TRMT9B: variants seen among roughly 807,000 people sequenced by gnomAD.
TRMT9B encodes tRNA methyltransferase 9B (putative), also known as probable tRNA methyltransferase 9B.
In TRMT9B, 16 loss-of-function variants were observed where a neutral mutation model predicts 11.5. That is an observed-to-expected ratio of 1.39 (90% CI 0.94 to 2.11). The LOEUF (loss-of-function observed/expected upper bound fraction) is 2.11, where lower values mean the gene tolerates loss of function less well. Among genes scored for constraint, TRMT9B ranks in the 30% most tolerant of loss-of-function variants. The pLI is 0.00. For missense variants in TRMT9B, 941 were observed against 553.8 expected (o/e 1.70, Z -7.02); for synonymous variants, 274 against 192.4 (o/e 1.42, Z -3.51).
chr8:13,011,224 G>A (rs987163164), intron 3 of TRMT9B: 3 of 793,914 alleles, frequency 3.8e-6, no homozygotes, highest in South Asian at 1.2e-4. Context: ...GCCCTCAAGT[G>A]ATCCGCCCAC....
At chr8:12,998,032 C>T (rs576930123) in intron 2 of TRMT9B, among the ~76,000 whole-genome samples, 7 of 152,254 alleles carry the variant, frequency 4.6e-5, no homozygotes, top group East Asian at 3.9e-4. Context: ...GTTTCCTGCC[C>T]GTCTCCTGAC....
At chr8:12,988,574 A>T (rs1291564345) in intron 1 of TRMT9B, among the ~76,000 whole-genome samples, 1 of 152,130 alleles carries the variant, frequency 6.6e-6, no homozygotes, top group African/African-American at 2.4e-5. Context: ...CCTTCTTCAC[A>T]TGGCGGCAGC....
In TRMT9B at chr8:12,985,686, T is replaced by C. The variant is rs146386561; in HGVS notation, c.-199-5148T>C. 1.2e-3 allele frequency among the ~76,000 whole-genome samples: 189 copies of C among 152,232 alleles called. 2 individuals are homozygous for C. Among genetic ancestry groups the C allele is most frequent in the African/African-American group, 4.2e-3 (176 of 41,542 alleles). On this transcript the variant is annotated intron_variant, in intron 1 of 4. Transcript: ENST00000524591. ...ACATTTCTCAAATTAAATTTAGTTA[T>C]AGTAGAGCTCTATCATACATGGCTA...
Position 12,945,875 on chromosome 8 carries a change from C to G in TRMT9B, c.-291C>G, listed in dbSNP as rs900607360. Reference sequence around the variant, plus strand: ...TGTGCAGGGCTCTGGACTAGACTTTCAGGATCTAAGGCTGAATCCTACACA... The same window carrying G: ...TGTGCAGGGCTCTGGACTAGACTTTGAGGATCTAAGGCTGAATCCTACACA... On this transcript the variant is annotated 5_prime_UTR_variant, in exon 1 of 5. Coordinates refer to ENST00000524591, the MANE Select transcript of TRMT9B (RefSeq NM_020844.3). The G allele has an allele frequency of 7.2e-5, 11 of 152,092 alleles. No homozygotes were observed. Among genetic ancestry groups the G allele is most frequent in the African/African-American group, 2.7e-4 (11 of 41,400 alleles). The allele number at this position is 152,092 out of a possible 1,614,324, so 9.4% of individuals were successfully genotyped here.
chr8:12,968,785 C>T (rs2460351), intron 1 of TRMT9B, among the ~76,000 whole-genome samples: 128,399 of 152,134 alleles, frequency 0.84, 54,336 homozygotes, highest in Middle Eastern at 0.92. Context: ...AGAAGAGGTG[C>T]AGTATGGTGG....
rs149562399 is a variant in TRMT9B at position 12,980,181 on chromosome 8, C to T, written c.-199-10653C>T. 4.1e-3 allele frequency among the ~76,000 whole-genome samples: 626 copies of T among 152,198 alleles called. 2 individuals are homozygous for T. Among genetic ancestry groups the T allele is most frequent in the Middle Eastern group, 6.8e-3 (2 of 294 alleles). On this transcript the variant is annotated intron_variant, in intron 1 of 4. Transcript: ENST00000524591. Reference sequence around the variant, plus strand: ...CAGACGTCCTAAATGAAGTTGTCAGCGGGGCCTGCTCCCTTTGAATTCTCC... The same window carrying T: ...CAGACGTCCTAAATGAAGTTGTCAGTGGGGCCTGCTCCCTTTGAATTCTCC...
intron 1 of TRMT9B, chr8:12,951,863 G>C (rs1800662083): frequency 6.6e-6 from 1 of 151,942 alleles, no homozygotes; most frequent in Admixed American, 6.6e-5. Flanking sequence ...CGGGAAGAAG[G>C]GCTAGCGAAG....
At chr8:12,995,685 G>T (rs1002440869) in intron 2 of TRMT9B, among the ~76,000 whole-genome samples, 1 of 152,062 alleles carries the variant, frequency 6.6e-6, no homozygotes, top group East Asian at 1.9e-4. Context: ...TTTGGGTTTG[G>T]TTTTTTGGGA....
chr8:12,994,851 T>C (rs1419103767), intron 2 of TRMT9B, among the ~76,000 whole-genome samples: 5 of 152,128 alleles, frequency 3.3e-5, no homozygotes, highest in Non-Finnish European at 7.4e-5. Flanking sequence ...CCGGCTAATG[T>C]TTGTATTTTT....
At chr8:12,974,348 A>C (rs1406659071) in intron 1 of TRMT9B, among the ~76,000 whole-genome samples, 1 of 152,170 alleles carries the variant, frequency 6.6e-6, no homozygotes, top group Non-Finnish European at 1.5e-5. Flanking sequence ...GCTGGAGATG[A>C]GAAGTTTCAA....
At chr8:12,950,201 G>C (rs1800484976) in intron 1 of TRMT9B, among the ~76,000 whole-genome samples, 2 of 152,070 alleles carry the variant, frequency 1.3e-5, no homozygotes, top group Admixed American at 1.3e-4. Flanking sequence ...ACCACTTCCA[G>C]GATGCCTTCC....
chr8:13,005,670 C>G (rs956022535), intron 2 of TRMT9B, among the ~76,000 whole-genome samples: 1 of 152,086 alleles, frequency 6.6e-6, no homozygotes, highest in African/African-American at 2.4e-5. Context: ...CATTGAATGG[C>G]AAGAGAACCG....
chr8:12,984,020 C>T (rs986276525), intron 1 of TRMT9B, among the ~76,000 whole-genome samples: 2 of 152,088 alleles, frequency 1.3e-5, no homozygotes, highest in African/African-American at 2.4e-5. Context: ...AATTTAGAGT[C>T]AGGAATGATG....
At position 12,974,774 on chromosome 8, in the gene TRMT9B, G is replaced by GGTTTT. The variant is rs552847554; in HGVS notation, c.-199-16044_-199-16040dup. Among the ~76,000 whole-genome samples, 183 of 152,258 alleles carry GGTTTT rather than the reference G, an allele frequency of 1.2e-3. 2 individuals are homozygous for GGTTTT. Among genetic ancestry groups the GGTTTT allele is most frequent in the African/African-American group, 4.4e-3 (182 of 41,552 alleles). ...CAGGAGGCGGGACAGCAGCAGGCAG[G>GGTTTT]GTTTTGTTTTGTTTTGTTTTTTTAA... is the stretch of plus-strand genomic sequence containing the variant. On this transcript the variant is annotated intron_variant, in intron 1 of 4. Transcript: ENST00000524591.
chr8:12,965,319 G>A (rs898511842), intron 1 of TRMT9B, among the ~76,000 whole-genome samples: 1 of 152,164 alleles, frequency 6.6e-6, no homozygotes, highest in African/African-American at 2.4e-5. Flanking sequence ...GAGCTCAGTT[G>A]GAAAGAAACA....
chr8:13,020,297 A>G (rs1189181079), intron 4 of TRMT9B, among the ~76,000 whole-genome samples: 1 of 152,224 alleles, frequency 6.6e-6, no homozygotes, highest in Non-Finnish European at 1.5e-5. Context: ...TCAAAAACTA[A>G]CAGACTAGCA....
intron 1 of TRMT9B, among the ~76,000 whole-genome samples, chr8:12,965,372 G>C (rs1371404563): frequency 4.6e-5 from 7 of 152,214 alleles, no homozygotes; most frequent in Non-Finnish European, 8.8e-5. Context: ...GATGGTGGCA[G>C]GGAGATTTGG....
chr8:12,946,921 A>G (rs1800297251), intron 1 of TRMT9B, among the ~76,000 whole-genome samples: 1 of 152,182 alleles, frequency 6.6e-6, no homozygotes, highest in South Asian at 2.1e-4. Context: ...GGTGTGGAAG[A>G]TATCAGTTCC....
At chr8:12,991,531 T>G (rs1303942421) in intron 2 of TRMT9B, among the ~76,000 whole-genome samples, 1 of 152,248 alleles carries the variant, frequency 6.6e-6, no homozygotes, top group African/African-American at 2.4e-5. Context: ...GCTCTCTCTT[T>G]TTTAATTCTG....
Sources: gnomAD v4.1 joint callset for allele counts (sites outside exome capture counted in the v4.1 genomes callset) on GRCh38, gnomAD v4.1.1 for gene constraint, MANE v1.5 for transcripts, NCBI Gene and HGNC (gene_info 2026-07-23, HGNC 2026-07-21) for gene names.